The following FBXO11 variants were observed in gnomAD, a reference collection of about 807,000 sequenced individuals.
FBXO11 encodes the protein F-box only protein 11.
A neutral mutation model predicts 117.0 loss-of-function variants in FBXO11; 13 were observed. The ratio of observed to expected loss-of-function variants is 0.11; its 90% CI spans 0.07 to 0.18. FBXO11 has a LOEUF of 0.18. FBXO11 is among the 10% of genes least tolerant of loss of function. The pLI is 1.00. For synonymous variants in FBXO11, 490 were observed against 380.5 expected (o/e 1.29, Z -3.35); for missense variants, 767 against 1,164.4 (o/e 0.66, Z 4.97).
intron 18 of FBXO11, among the ~76,000 whole-genome samples, chr2:47,812,210 C>T (rs936900412): frequency 1.3e-5 from 2 of 152,206 alleles, no homozygotes; most frequent in Admixed American, 6.5e-5. Flanking sequence ...ATGTGCTCCA[C>T]TCCATCACAC....
Position 47,900,860 on chromosome 2 carries a change from G to GTA in FBXO11, c.232+4627_232+4628dup, listed in dbSNP as rs748260908. ...TACACACACGTGTATATATATACACGTATACACACACACGTGTATATATAT... is the reference window on the plus strand; with the variant it reads ...TACACACACGTGTATATATATACACGTATATACACACACACGTGTATATATAT... On this transcript the variant is annotated intron_variant, in intron 1 of 22. Coordinates refer to ENST00000403359, the MANE Select transcript of FBXO11 (RefSeq NM_001190274.2). Among the ~76,000 whole-genome samples, 4 of 83,204 alleles carry GTA rather than the reference G, an allele frequency of 4.8e-5. 1 individual carries two copies. Among genetic ancestry groups the GTA allele is most frequent in the Admixed American group, 1.0e-4 (1 of 9,526 alleles). The allele number at this position is 83,204 out of a possible 152,430, so 54.6% of individuals were successfully genotyped here.
chr2:47,883,841 C>A, intron 1 of FBXO11: 1 of 196,346 alleles, frequency 5.1e-6, no homozygotes, highest in South Asian at 1.0e-4. Context: ...GCAGTGTTTA[C>A]AGCAAGCCAC....
At chr2:47,880,618 G>C (rs900948256) in intron 1 of FBXO11, among the ~76,000 whole-genome samples, 1 of 151,998 alleles carries the variant, frequency 6.6e-6, no homozygotes, top group Non-Finnish European at 1.5e-5. Context: ...ATTTCTCCTT[G>C]TATTTTTGGT....
At chr2:47,859,312 GA>G (rs916700010) in intron 1 of FBXO11, among the ~76,000 whole-genome samples, 27 of 151,698 alleles carry the variant, frequency 1.8e-4, no homozygotes, top group African/African-American at 6.1e-4. Context: ...AATAAAAAAT[GA>G]AAAAAAATTA....
chr2:47,860,683 A>T (rs368039710), intron 1 of FBXO11, among the ~76,000 whole-genome samples: 2 of 151,868 alleles, frequency 1.3e-5, no homozygotes, highest in African/African-American at 4.8e-5. Flanking sequence ...CTAGAATTAC[A>T]TGCGTGAGCC....
intron 1 of FBXO11, among the ~76,000 whole-genome samples, chr2:47,841,145 C>A (rs1396887190): frequency 6.6e-6 from 1 of 152,152 alleles, no homozygotes. Flanking sequence ...TTGCAGTGAG[C>A]CGAGATCATG....
At chr2:47,885,163 G>C (rs1676728591) in intron 1 of FBXO11, among the ~76,000 whole-genome samples, 2 of 152,140 alleles carry the variant, frequency 1.3e-5, no homozygotes, top group African/African-American at 4.8e-5. Flanking sequence ...GCTGAGATAT[G>C]GAAAAGCCAT....
intron 1 of FBXO11, among the ~76,000 whole-genome samples, chr2:47,895,829 A>C (rs996372913): frequency 6.6e-6 from 1 of 152,036 alleles, no homozygotes; most frequent in Non-Finnish European, 1.5e-5. Flanking sequence ...AGTAGCTGGG[A>C]TTACAGGCAT....
intron 18 of FBXO11, chr2:47,812,770 A>G (rs1246207415): frequency 4.8e-6 from 1 of 209,902 alleles, no homozygotes; most frequent in Non-Finnish European, 9.6e-6. Flanking sequence ...ATGCAAAGTG[A>G]GTTGACCTTT....
At chr2:47,858,270 A>C (rs1289457261) in intron 1 of FBXO11, among the ~76,000 whole-genome samples, 1 of 151,346 alleles carries the variant, frequency 6.6e-6, no homozygotes, top group Non-Finnish European at 1.5e-5. Flanking sequence ...TCGGCCTCCC[A>C]AAGTGCTGGG....
At chr2:47,827,195 T>C (rs2104767952) in intron 11 of FBXO11, among the ~76,000 whole-genome samples, 1 of 152,356 alleles carries the variant, frequency 6.6e-6, no homozygotes, top group East Asian at 1.9e-4. Flanking sequence ...ACAACAATGA[T>C]TTTACTACCT....
At chr2:47,809,303 A>G in intron 20 of FBXO11, 37 bp from the exon 21 acceptor site, 1 of 1,335,986 alleles carries the variant, frequency 7.5e-7, no homozygotes, top group South Asian at 1.3e-5. Context: ...AATTCAGAGG[A>G]ATGTTAATAT....
intron 1 of FBXO11, among the ~76,000 whole-genome samples, chr2:47,893,816 C>T (rs886459457): frequency 6.6e-6 from 1 of 152,186 alleles, no homozygotes; most frequent in African/African-American, 2.4e-5. Context: ...CACCCTGAAG[C>T]AGCTCAGGCT....
rs1001878023 is a variant in FBXO11, at chr2:47,872,177, T to C, written c.233-32408A>G. On this transcript the variant is annotated intron_variant, in intron 1 of 22. Transcript: ENST00000403359. Reference sequence around the variant, plus strand: ...CCATAAATGTATTAGAGTTAAGGCATAAAATGCTGTTTAGAAATTCTGTGT... The same window carrying C: ...CCATAAATGTATTAGAGTTAAGGCACAAAATGCTGTTTAGAAATTCTGTGT... Among the ~76,000 whole-genome samples the C allele has an allele frequency of 3.3e-5, 5 of 152,348 alleles. No homozygotes were observed. In the Middle Eastern group the frequency reaches 0.014, roughly 415 times the overall value.
At chr2:47,900,590 G>GTGTGTA (rs1678047821) in intron 1 of FBXO11, among the ~76,000 whole-genome samples, 18 of 108,064 alleles carry the variant, frequency 1.7e-4, no homozygotes, top group South Asian at 2.5e-4. Flanking sequence ...ACATATATAC[G>GTGTGTA]TATATACACA....
At chr2:47,870,406 T>C (rs75988362) in intron 1 of FBXO11, among the ~76,000 whole-genome samples, 8,381 of 152,166 alleles carry the variant, frequency 0.055, 245 homozygotes, top group Non-Finnish European at 0.069. Flanking sequence ...TATTTGGAAA[T>C]AGGGTCTTTG....
rs1040591158 is a variant in FBXO11, at chr2:47,819,215, C to A, written c.1798-137G>T. The A allele has an allele frequency of 1.7e-5, 13 of 777,368 alleles. No individual in the cohort carries two copies. In the African/African-American group the frequency reaches 2.1e-4, roughly 13 times the overall value. 48.2% of individuals were successfully genotyped at this position (777,368 alleles called of 1,614,324 possible). On this transcript the variant is annotated intron_variant, in intron 14 of 22. Coordinates refer to ENST00000403359, the MANE Select transcript of FBXO11 (RefSeq NM_001190274.2). ...CGAGTAAGGAGGTAATGGCAATATT[C>A]TTTTGTTTTGTTTTGTTTTGAAATG...
At chr2:47,828,167 T>G (rs781142723) in intron 11 of FBXO11, among the ~76,000 whole-genome samples, 26 of 152,044 alleles carry the variant, frequency 1.7e-4, no homozygotes, top group African/African-American at 5.3e-4. Flanking sequence ...ATTTCTTTAG[T>G]AGAGATAGGG....
intron 1 of FBXO11, among the ~76,000 whole-genome samples, chr2:47,841,508 C>T (rs77503991): frequency 0.16 from 24,197 of 152,040 alleles, 2,074 homozygotes; most frequent in African/African-American, 0.18. Context: ...AACCTGAATC[C>T]GATCAAACCT....
Sources: gnomAD v4.1 joint callset for allele counts (sites outside exome capture counted in the v4.1 genomes callset) on GRCh38, gnomAD v4.1.1 for gene constraint, MANE v1.5 for transcripts, NCBI Gene and HGNC (gene_info 2026-07-23, HGNC 2026-07-21) for gene names.